Variants in IMMP2L observed in about 807,000 individuals in gnomAD.
IMMP2L encodes inner mitochondrial membrane peptidase subunit 2.
In IMMP2L, 18 loss-of-function variants were observed where a neutral mutation model predicts 19.3. The ratio of observed to expected loss-of-function variants is 0.93; its 90% confidence interval spans 0.64 to 1.38. The LOEUF is 1.38. IMMP2L is among the 40% of genes most tolerant of loss of function. The pLI is 0.00. For missense variants in IMMP2L, 233 were observed against 218.2 expected (o/e 1.07, Z -0.43); for synonymous variants, 76 against 73.0 (o/e 1.04, Z -0.21).
At chr7:111,416,956 T>A (rs2131565743) in intron 3 of IMMP2L, among the ~76,000 whole-genome samples, 1 of 151,840 alleles carries the variant, frequency 6.6e-6, no homozygotes, top group Non-Finnish European at 1.5e-5. Flanking sequence ...TCCAATACAG[T>A]AACCATAAAC....
rs536827095 is a variant in IMMP2L at position 111,231,397 on chromosome 7, C to T, written c.239+255841G>A. Among the ~76,000 whole-genome samples, 7 of 151,938 alleles carry T rather than the reference C, an allele frequency of 4.6e-5. No homozygotes were observed. The East Asian group carries it at 1.2e-3, about 25-fold the overall frequency. ...TCTTTGATTTTCCCAAAAAGGCAAG[C>T]TCTATCCCCACTAAAGGTATTTACC... On this transcript the variant is annotated intron_variant, in intron 3 of 5. Coordinates refer to ENST00000405709, the MANE Select transcript of IMMP2L (RefSeq NM_032549.4).
chr7:111,559,266 T>C (rs1791739353), intron 1 of IMMP2L, among the ~76,000 whole-genome samples: 1 of 152,280 alleles, frequency 6.6e-6, no homozygotes, highest in Non-Finnish European at 1.5e-5. Context: ...ATATACTAAA[T>C]ACACAGCTAA....
intron 5 of IMMP2L, among the ~76,000 whole-genome samples, chr7:110,834,078 G>A (rs1033964012): frequency 3.9e-5 from 6 of 152,234 alleles, no homozygotes; most frequent in East Asian, 3.9e-4. Flanking sequence ...TGCTTCTAGC[G>A]TCTTTCTCCT....
At chr7:111,536,743 T>C (rs1161165104) in intron 1 of IMMP2L, among the ~76,000 whole-genome samples, 2 of 152,196 alleles carry the variant, frequency 1.3e-5, no homozygotes, top group African/African-American at 2.4e-5. Context: ...AGAATAATCA[T>C]TGAGATGAGT....
intron 5 of IMMP2L, among the ~76,000 whole-genome samples, chr7:110,676,604 T>C (rs959165916): frequency 6.6e-6 from 1 of 152,216 alleles, no homozygotes; most frequent in South Asian, 2.1e-4. Context: ...TGTATTTTAT[T>C]ATCTGGGAAT....
intron 5 of IMMP2L, among the ~76,000 whole-genome samples, chr7:110,804,934 C>T (rs1157829008): frequency 6.6e-6 from 1 of 152,044 alleles, no homozygotes; most frequent in Non-Finnish European, 1.5e-5. Context: ...CAGCGCTTTA[C>T]ATTAGCTTAA....
At chr7:111,520,221 A>G (rs1846209170) in intron 2 of IMMP2L, among the ~76,000 whole-genome samples, 1 of 152,126 alleles carries the variant, frequency 6.6e-6, no homozygotes, top group African/African-American at 2.4e-5. Context: ...AAAGTAAGTG[A>G]CCAGTTTGCT....
At chr7:111,269,086 A>G (rs1348949358) in intron 3 of IMMP2L, among the ~76,000 whole-genome samples, 3 of 152,174 alleles carry the variant, frequency 2.0e-5, no homozygotes, top group Non-Finnish European at 4.4e-5. Flanking sequence ...ACTTCTGCCT[A>G]CAACTGCCAG....
chr7:111,523,669 C>T (rs1354580716), intron 1 of IMMP2L, among the ~76,000 whole-genome samples: 1 of 152,072 alleles, frequency 6.6e-6, no homozygotes. Context: ...TAATGTAACT[C>T]AGACTAACTT....
chr7:111,166,651 C>G (rs1246999416), intron 3 of IMMP2L, among the ~76,000 whole-genome samples: 1 of 151,968 alleles, frequency 6.6e-6, no homozygotes, highest in African/African-American at 2.4e-5. Context: ...GAAATTTACT[C>G]TCTCACAGTT....
At chr7:111,047,214 G>A (rs1266481147) in intron 3 of IMMP2L, among the ~76,000 whole-genome samples, 2 of 150,860 alleles carry the variant, frequency 1.3e-5, no homozygotes, top group African/African-American at 4.9e-5. Context: ...TTGAGACAGA[G>A]TTTCACTCTT....
At chr7:111,254,139 A>G (rs923938276) in intron 3 of IMMP2L, among the ~76,000 whole-genome samples, 2 of 152,138 alleles carry the variant, frequency 1.3e-5, no homozygotes, top group African/African-American at 4.8e-5. Context: ...GAGATTTCTG[A>G]GTGATAAAGG....
At chr7:111,447,731 C>G (rs957563784) in intron 3 of IMMP2L, among the ~76,000 whole-genome samples, 1 of 151,344 alleles carries the variant, frequency 6.6e-6, no homozygotes, top group African/African-American at 2.4e-5. Flanking sequence ...TGTAAATGGA[C>G]TAAATTCTCC....
In IMMP2L at chr7:111,333,599, C is replaced by T. The variant is rs536458006; in HGVS notation, c.239+153639G>A. ...CTCCCTAGGTGTGTCTGTGAGGGTG[C>T]TACCAAAGGAGATTAACATTTGAGA... On this transcript the variant is annotated intron_variant, in intron 3 of 5. Coordinates refer to ENST00000405709, the MANE Select transcript of IMMP2L (RefSeq NM_032549.4). Among the ~76,000 whole-genome samples the T allele has an allele frequency of 4.6e-5, 7 of 152,058 alleles. No homozygotes were observed. The South Asian group carries it at 1.5e-3, about 32-fold the overall frequency.
intron 5 of IMMP2L, among the ~76,000 whole-genome samples, chr7:110,858,328 T>G (rs910200330): frequency 6.6e-6 from 1 of 152,070 alleles, no homozygotes. Flanking sequence ...CAAGGTATCC[T>G]CCTTGTTCCT....
chr7:111,171,326 A>G (rs1445555189), intron 3 of IMMP2L, among the ~76,000 whole-genome samples: 1 of 151,682 alleles, frequency 6.6e-6, no homozygotes, highest in Non-Finnish European at 1.5e-5. Flanking sequence ...CATTGAAATT[A>G]TTAGAAACTC....
chr7:110,678,192 G>A (rs1792458560), intron 5 of IMMP2L, among the ~76,000 whole-genome samples: 1 of 152,066 alleles, frequency 6.6e-6, no homozygotes, highest in Admixed American at 6.6e-5. Flanking sequence ...GACCTGACCT[G>A]AGCTGCTATA....
chr7:111,082,060 AG>A (rs1795930556), intron 3 of IMMP2L, among the ~76,000 whole-genome samples: 1 of 152,200 alleles, frequency 6.6e-6, no homozygotes, highest in South Asian at 2.1e-4. Context: ...ACCAAGCACC[AG>A]TTTGCAGTAG....
At chr7:111,491,981 G>T (rs1335080824) in intron 2 of IMMP2L, among the ~76,000 whole-genome samples, 3 of 150,776 alleles carry the variant, frequency 2.0e-5, no homozygotes, top group African/African-American at 7.4e-5. Flanking sequence ...TCTTTTACTG[G>T]TGTTTTTTTT....
Sources: allele counts gnomAD v4.1 joint callset (sites outside exome capture counted in the v4.1 genomes callset), GRCh38; gene constraint gnomAD v4.1.1; transcripts MANE v1.5; gene names NCBI Gene and HGNC (gene_info 2026-07-23, HGNC 2026-07-21).